Variants in CNTLN observed in about 807,000 individuals in gnomAD.
The protein encoded by CNTLN is centlein.
In CNTLN, 212 loss-of-function variants were observed where a neutral mutation model predicts 180.0. The ratio of observed to expected loss-of-function variants is 1.18; its 90% CI spans 1.05 to 1.32. CNTLN has a LOEUF of 1.32. Among genes scored for constraint, CNTLN ranks in the 40% most tolerant of loss-of-function variants. CNTLN has a pLI of 0.00. For synonymous variants in CNTLN, 722 were observed against 563.1 expected, an observed-to-expected ratio of 1.28 and a Z score of -3.99; for missense variants, 2,095 against 1,610.9, an observed-to-expected ratio of 1.30 and a Z score of -5.14.
At chr9:17,458,559 G>C (rs1425293453) in intron 19 of CNTLN, among the ~76,000 whole-genome samples, 5 of 151,876 alleles carry the variant, frequency 3.3e-5, no homozygotes, top group South Asian at 2.1e-4. Flanking sequence ...GGAATACTAT[G>C]TTGAATTGTC....
At chr9:17,149,003 CT>C (rs1818651334) in intron 2 of CNTLN, among the ~76,000 whole-genome samples, 2 of 152,048 alleles carry the variant, frequency 1.3e-5, no homozygotes, top group Admixed American at 1.3e-4. Flanking sequence ...GTGTGTGATG[CT>C]CCCCTCCCTG....
At chr9:17,434,434 T>G (rs1433192670) in intron 18 of CNTLN, among the ~76,000 whole-genome samples, 1 of 152,120 alleles carries the variant, frequency 6.6e-6, no homozygotes, top group African/African-American at 2.4e-5. Context: ...TACATTTCAT[T>G]ACGTTCTTGC....
intron 2 of CNTLN, among the ~76,000 whole-genome samples, chr9:17,224,427 C>G (rs988434372): frequency 2.6e-4 from 39 of 151,992 alleles, no homozygotes; most frequent in African/African-American, 9.2e-4. Context: ...ATATTCCCAG[C>G]AGTTACCTCC....
At chr9:17,455,194 T>C (rs1489135202) in intron 18 of CNTLN, among the ~76,000 whole-genome samples, 1 of 152,206 alleles carries the variant, frequency 6.6e-6, no homozygotes, top group Non-Finnish European at 1.5e-5. Flanking sequence ...GAACCAAAGG[T>C]TTCCAAACTG....
chr9:17,159,105 T>C (rs566098775), intron 2 of CNTLN, among the ~76,000 whole-genome samples: 3 of 152,322 alleles, frequency 2.0e-5, no homozygotes, highest in South Asian at 4.1e-4. Flanking sequence ...TGTTGTTTAA[T>C]TTCCACTTAT....
intron 7 of CNTLN, chr9:17,301,000 A>G (rs1343297705): frequency 1.0e-6 from 1 of 984,308 alleles, no homozygotes; most frequent in Non-Finnish European, 1.2e-6. Context: ...CAAGAAAAGA[A>G]TGATGTATGT....
At position 17,330,612 on chromosome 9, in the gene CNTLN, A is replaced by G; in HGVS notation, c.1342-20A>G. ...GATACAAACATAGATATCTATTTAC[A>G]ATTATACTTTTTAAAATAGGTACCT... On this transcript the variant is annotated intron_variant, in intron 8 of 25. Transcript: ENST00000380647. The G allele has an allele frequency of 7.1e-7, 1 of 1,407,888 alleles. No individual in the cohort carries two copies. The highest frequency in any genetic ancestry group is 9.7e-7 in the Non-Finnish European group (1 of 1,029,702). 87.2% of individuals were successfully genotyped at this position (1,407,888 alleles called of 1,614,324 possible). A position where few individuals can be genotyped will look rare whatever the true frequency, so the allele number is the denominator to read the frequency against.
chr9:17,301,817 A>C, intron 7 of CNTLN: 6 of 981,474 alleles, frequency 6.1e-6, no homozygotes, highest in Non-Finnish European at 7.3e-6. Flanking sequence ...TTATAATTCC[A>C]TCTCCCAGAG....
At chr9:17,299,023 C>T in intron 7 of CNTLN, 1 of 699,638 alleles carries the variant, frequency 1.4e-6, no homozygotes, top group Non-Finnish European at 1.8e-6. Context: ...GCGGGCGAAT[C>T]ACAAGGTCAA....
chr9:17,340,822 T>C lies in CNTLN; in HGVS notation c.1645-5T>C. 3 of 1,608,840 alleles carry C rather than the reference T, an allele frequency of 1.9e-6. No individual in the cohort carries two copies. Among genetic ancestry groups the C allele is most frequent in the Non-Finnish European group, 2.5e-6 (3 of 1,177,550 alleles). On this transcript the variant is annotated splice_region_variant and splice_polypyrimidine_tract_variant and intron_variant, in intron 10 of 25. Transcript: ENST00000380647. ...TATATATACTTGCTTTTTTGTGTTC[T>C]ACAGAGCCAAGAAAATGATGAGCTA...
Position 17,150,277 on chromosome 9 carries a change from G to A in CNTLN, c.449+6901G>A, listed in dbSNP as rs578001368. Among the ~76,000 whole-genome samples, 534 of 152,236 alleles carry A rather than the reference G, an allele frequency of 3.5e-3. 1 individual carries two copies. The highest frequency in any genetic ancestry group is 0.012 in the African/African-American group (517 of 41,520). On this transcript the variant is annotated intron_variant, in intron 2 of 25. Transcript: ENST00000380647. Reference sequence around the variant, plus strand: ...CAGGTTTTCTTCTAAGATTTTTATGGTCCTAGGTCTTACGTTTAAGTCTTT... The same window carrying A: ...CAGGTTTTCTTCTAAGATTTTTATGATCCTAGGTCTTACGTTTAAGTCTTT...
In CNTLN at chr9:17,394,832, A is replaced by T; in HGVS notation, c.2378A>T (p.Asn793Ile). Residue 793 changes from asparagine (N) to isoleucine (I), a missense_variant, in exon 15 of 26, where the codon AAC becomes ATC. By Grantham distance (149) the Asn-to-Ile change is moderately radical. Coordinates refer to ENST00000380647, the MANE Select transcript of CNTLN (RefSeq NM_017738.4). ...AGAAATGAAAATGAAGAGCTGATCA[A>T]CCCAATGGAGAAATCACACCAGTCA... The part of the protein sequence containing the change: ...ALRNENEELI[N>I]PMEKSHQSAD... The T allele has an allele frequency of 6.2e-7, 1 of 1,614,012 alleles. No homozygotes were observed. The highest frequency in any genetic ancestry group is 8.5e-7 in the Non-Finnish European group (1 of 1,179,982).
chr9:17,189,389 A>G (rs1164100717), intron 2 of CNTLN, among the ~76,000 whole-genome samples: 2 of 150,438 alleles, frequency 1.3e-5, no homozygotes, highest in South Asian at 2.1e-4. Flanking sequence ...GCCAGGACTT[A>G]GTTTTAAACT....
At chr9:17,523,491 C>G in the CNTLN span, among the ~76,000 whole-genome samples, 918 of 152,246 alleles carry the variant, frequency 6.0e-3, 3 homozygotes, top group African/African-American at 0.021. Flanking sequence ...CCTGCCTCAG[C>G]CTCCCAAAGT....
downstream of CNTLN, among the ~76,000 whole-genome samples, chr9:17,507,899 C>T (rs1440523243): frequency 6.6e-6 from 1 of 152,176 alleles, no homozygotes; most frequent in East Asian, 1.9e-4. Context: ...TTGCCACATT[C>T]AACTTTCCTT....
Position 17,466,898 on chromosome 9 carries a change from A to G in CNTLN, c.3855+7A>G. 1 of 1,604,202 alleles carries G rather than the reference A, an allele frequency of 6.2e-7. No homozygotes were observed. Among genetic ancestry groups the G allele is most frequent in the Non-Finnish European group, 8.5e-7 (1 of 1,173,686 alleles). ...GTTCACCACATTTGTGAAGGTTTGA[A>G]TTACTTGTCGTTTACTAACTTGTAC... On this transcript the variant is annotated splice_region_variant and intron_variant, in intron 23 of 25. Transcript: ENST00000380647.
In CNTLN at chr9:17,416,142, C is replaced by T. The variant is rs369153463; in HGVS notation, c.3067C>T (p.Gln1023Ter). The T allele has an allele frequency of 2.5e-6, 4 of 1,613,412 alleles. No individual in the cohort carries two copies. The highest frequency in any genetic ancestry group is 3.4e-6 in the Non-Finnish European group (4 of 1,179,718). The change falls in exon 18 of 26, where the codon CAG (glutamine) becomes TAG (stop). Residue 1023 changes from glutamine (Q) to a stop codon, truncating the protein, a stop_gained. Transcript: ENST00000380647. LOFTEE classifies it high-confidence loss of function. Reference protein sequence around the residue: ...KEVNEKLLHQQQVSDQRFQTS... With the variant: ...KEVNEKLLHQ ...AGTTAATGAAAAGCTCCTCCATCAACAGCAAGTATCCGATCAACGATTTCA... is the reference window on the plus strand; with the variant it reads ...AGTTAATGAAAAGCTCCTCCATCAATAGCAAGTATCCGATCAACGATTTCA...
chr9:17,418,868 G>T lies in CNTLN; in HGVS notation c.3114+2679G>T, dbSNP rs139264735. Among the ~76,000 whole-genome samples the T allele has an allele frequency of 4.6e-3, 702 of 152,030 alleles. 5 individuals carry two copies. The highest frequency in any genetic ancestry group is 0.016 in the African/African-American group (659 of 41,512). ...TCAAAGACTTTCAACTTTTTCATAT[G>T]TAATTAAAGTACCATTGTTCGTTAA... On this transcript the variant is annotated intron_variant, in intron 18 of 25. Transcript: ENST00000380647.
the CNTLN span, among the ~76,000 whole-genome samples, chr9:17,521,290 A>AGAGAGAGAG: frequency 6.6e-6 from 1 of 151,556 alleles, no homozygotes; most frequent in African/African-American, 2.4e-5. Context: ...AGAGAGAGAG[A>AGAGAGAGAG]GAGAGGAAAT....
Sources: gnomAD v4.1 joint callset for allele counts (sites outside exome capture counted in the v4.1 genomes callset) on GRCh38, gnomAD v4.1.1 for gene constraint, MANE v1.5 for transcripts, NCBI Gene and HGNC (gene_info 2026-07-23, HGNC 2026-07-21) for gene names.